The following RPS6KC1 variants were observed in gnomAD, a reference collection of about 807,000 sequenced individuals.
RPS6KC1 encodes inactive ribosomal protein S6 kinase delta-1.
Under a neutral mutation model 103.8 loss-of-function variants are expected in RPS6KC1, and 54 were observed. That is an observed-to-expected ratio of 0.52 (90% CI 0.42 to 0.65). RPS6KC1 has a LOEUF of 0.65. Ranked by LOEUF, RPS6KC1 falls within the 30% of genes least tolerant of loss-of-function variation. The pLI, the probability that RPS6KC1 is intolerant of heterozygous loss-of-function variation, is 0.00. For missense variants in RPS6KC1, 1,151 were observed against 1,253.8 expected, an observed-to-expected ratio of 0.92 and a Z score of 1.24; for synonymous variants, 439 against 438.7, an observed-to-expected ratio of 1.00 and a Z score of -0.01.
At chr1:213,308,119 T>C in the RPS6KC1 span, among the ~76,000 whole-genome samples, 1 of 151,872 alleles carries the variant, frequency 6.6e-6, no homozygotes, top group African/African-American at 2.4e-5. Flanking sequence ...CAAGACCAGC[T>C]TGGCCAACAT....
chr1:213,572,469 T>A, the RPS6KC1 span, among the ~76,000 whole-genome samples: 2 of 152,326 alleles, frequency 1.3e-5, no homozygotes, highest in South Asian at 4.1e-4. Flanking sequence ...GTCCTTCTGA[T>A]TTTCTCTGGT....
chr1:213,190,692 G>A (rs77699103), intron 8 of RPS6KC1, among the ~76,000 whole-genome samples: 4,999 of 152,214 alleles, frequency 0.033, 104 homozygotes, highest in Non-Finnish European at 0.048. Context: ...TTGGTTGCCT[G>A]CGCTTGTAGC....
At chr1:213,767,262 T>G in the RPS6KC1 span, among the ~76,000 whole-genome samples, 2 of 152,210 alleles carry the variant, frequency 1.3e-5, no homozygotes, top group African/African-American at 4.8e-5. Context: ...CAAAATCTAG[T>G]CTGAATCCAC....
At chr1:213,427,806 C>T in the RPS6KC1 span, among the ~76,000 whole-genome samples, 4 of 152,174 alleles carry the variant, frequency 2.6e-5, no homozygotes, top group African/African-American at 7.2e-5. Flanking sequence ...ACCTTGTGAT[C>T]GGCTCTGGCT....
chr1:213,277,818 A>G (rs1283200916), downstream of RPS6KC1, among the ~76,000 whole-genome samples: 4 of 152,258 alleles, frequency 2.6e-5, no homozygotes, highest in Admixed American at 2.0e-4. Context: ...CAAATGAGCC[A>G]GCTTTGGGGT....
At chr1:213,316,913 G>A in the RPS6KC1 span, among the ~76,000 whole-genome samples, 2 of 152,196 alleles carry the variant, frequency 1.3e-5, no homozygotes, top group African/African-American at 4.8e-5. Context: ...GCTACAGAAA[G>A]CCAGCATGGC....
chr1:213,861,796 C>T, the RPS6KC1 span, among the ~76,000 whole-genome samples: 1 of 152,176 alleles, frequency 6.6e-6, no homozygotes, highest in African/African-American at 2.4e-5. Context: ...ACTGTCCAGT[C>T]GTATCTTAAT....
At chr1:213,745,868 G>T in the RPS6KC1 span, among the ~76,000 whole-genome samples, 1 of 152,164 alleles carries the variant, frequency 6.6e-6, no homozygotes, top group African/African-American at 2.4e-5. Context: ...AAGGAGAGGG[G>T]TATGCGGATA....
At chr1:213,608,638 A>G in the RPS6KC1 span, among the ~76,000 whole-genome samples, 92 of 152,342 alleles carry the variant, frequency 6.0e-4, no homozygotes, top group African/African-American at 2.1e-3. Context: ...ACTGTAGGAA[A>G]AAAAAAGGAA....
the RPS6KC1 span, among the ~76,000 whole-genome samples, chr1:213,813,963 G>C: frequency 6.6e-6 from 1 of 152,210 alleles, no homozygotes; most frequent in Non-Finnish European, 1.5e-5. Context: ...CTCAGAGCAG[G>C]AAGCTGGGAC....
chr1:213,836,720 C>T, the RPS6KC1 span, among the ~76,000 whole-genome samples: 79 of 152,176 alleles, frequency 5.2e-4, no homozygotes, highest in African/African-American at 1.8e-3. Flanking sequence ...ATGTGACTCA[C>T]GTTTTTATTT....
intron 8 of RPS6KC1, among the ~76,000 whole-genome samples, chr1:213,210,054 C>T (rs1213373813): frequency 1.3e-5 from 2 of 152,036 alleles, no homozygotes; most frequent in Admixed American, 1.3e-4. Flanking sequence ...TTTGGTTGGC[C>T]TCTTTACTGC....
At chr1:213,299,680 T>G in the RPS6KC1 span, among the ~76,000 whole-genome samples, 1 of 152,150 alleles carries the variant, frequency 6.6e-6, no homozygotes, top group Non-Finnish European at 1.5e-5. Context: ...TTAATATCAC[T>G]TAAATATGTA....
the RPS6KC1 span, among the ~76,000 whole-genome samples, chr1:213,621,782 G>T: frequency 2.0e-5 from 3 of 152,094 alleles, no homozygotes; most frequent in African/African-American, 4.8e-5. Flanking sequence ...TAAAGTGTGG[G>T]CCCTTCTGAA....
the RPS6KC1 span, among the ~76,000 whole-genome samples, chr1:213,701,686 C>T: frequency 6.6e-6 from 1 of 151,906 alleles, no homozygotes; most frequent in South Asian, 2.1e-4. Context: ...CTATGTTTTG[C>T]AATTTGTTAG....
At chr1:213,573,306 G>T in the RPS6KC1 span, among the ~76,000 whole-genome samples, 3 of 152,198 alleles carry the variant, frequency 2.0e-5, no homozygotes, top group Non-Finnish European at 4.4e-5. Context: ...TTAGTAATGA[G>T]AAGAGAATGG....
intron 8 of RPS6KC1, among the ~76,000 whole-genome samples, chr1:213,176,941 A>G (rs762523688): frequency 2.0e-5 from 3 of 152,184 alleles, no homozygotes; most frequent in Non-Finnish European, 2.9e-5. Flanking sequence ...CTTTCTTACA[A>G]TTGTATTTGC....
At chr1:213,797,407 T>C in the RPS6KC1 span, among the ~76,000 whole-genome samples, 1 of 152,204 alleles carries the variant, frequency 6.6e-6, no homozygotes, top group Non-Finnish European at 1.5e-5. Flanking sequence ...ACTACTTTTA[T>C]TTAGTGCCTA....
intron 8 of RPS6KC1, among the ~76,000 whole-genome samples, chr1:213,182,929 GT>G (rs1464900384): frequency 6.7e-6 from 1 of 149,308 alleles, no homozygotes; most frequent in Non-Finnish European, 1.5e-5. Context: ...TATATATCAT[GT>G]TTGAAGTTTC....
Sources: allele counts gnomAD v4.1 joint callset (sites outside exome capture counted in the v4.1 genomes callset), GRCh38; gene constraint gnomAD v4.1.1; transcripts MANE v1.5; gene names NCBI Gene and HGNC (gene_info 2026-07-23, HGNC 2026-07-21).